The following DHRS12 variants were observed in gnomAD, a reference collection of about 807,000 sequenced individuals.
DHRS12 encodes dehydrogenase/reductase 12.
DHRS12 carries 29 observed loss-of-function variants against 32.1 expected under a neutral mutation model. The observed-to-expected ratio is 0.90, with a 90% CI of 0.67 to 1.23. The LOEUF (loss-of-function observed/expected upper bound fraction) is 1.23. DHRS12 is among the 50% of genes most tolerant of loss of function. The pLI is 0.00. For missense variants in DHRS12, 330 were observed against 337.2 expected, an observed-to-expected ratio of 0.98 and a Z score of 0.17; for synonymous variants, 150 against 135.9, an observed-to-expected ratio of 1.10 and a Z score of -0.72.
intron 2 of DHRS12, 50 bp downstream of exon 2, chr13:51,799,484 C>G: frequency 6.2e-7 from 1 of 1,606,870 alleles, no homozygotes; most frequent in Non-Finnish European, 8.5e-7. Context: ...GTGGACCGGC[C>G]GCAGTCTGGC....
At position 51,804,034 on chromosome 13, in the gene DHRS12, G is replaced by A; in HGVS notation, c.-9+20C>T. Reference sequence around the variant, plus strand: ...GCCACGTGACAGCCCGGGGCCCCGCGCCCCGCCGCGCCGCCTTACTTGGTG... The same window carrying A: ...GCCACGTGACAGCCCGGGGCCCCGCACCCCGCCGCGCCGCCTTACTTGGTG... On this transcript the variant is annotated intron_variant, in intron 1 of 8. Coordinates refer to ENST00000444610, the MANE Select transcript of DHRS12 (RefSeq NM_001377533.1). 3 of 1,466,232 alleles carry A rather than the reference G, an allele frequency of 2.0e-6. No individual in the cohort carries two copies. Among genetic ancestry groups the A allele is most frequent in the South Asian group, 1.3e-5 (1 of 77,358 alleles). 90.8% of individuals were successfully genotyped at this position (1,466,232 alleles called of 1,614,324 possible).
At chr13:51,798,768 A>C (rs1955621252) in intron 2 of DHRS12, among the ~76,000 whole-genome samples, 1 of 152,230 alleles carries the variant, frequency 6.6e-6, no homozygotes. Flanking sequence ...AAAAGTGATA[A>C]ATTCACAACC....
intron 7 of DHRS12, chr13:51,771,427 A>G: frequency 6.2e-7 from 1 of 1,614,116 alleles, no homozygotes; most frequent in Non-Finnish European, 8.5e-7. Flanking sequence ...ATTATTTCCA[A>G]AAACCTGGGG....
chr13:51,768,550 G>A lies in DHRS12; in HGVS notation c.698-254C>T, dbSNP rs181679874. On this transcript the variant is annotated intron_variant, in intron 8 of 8. Transcript: ENST00000444610. ...CCACGTTTGGGTGATCAGCAGGAAG[G>A]GGTGCGGCCATCCTCCCGGATACCC... The A allele has an allele frequency of 9.6e-6, 13 of 1,355,300 alleles. No individual in the cohort carries two copies. In the African/African-American group the frequency reaches 1.6e-4, roughly 17 times the overall value. The allele number at this position is 1,355,300 out of a possible 1,614,324, so 84.0% of individuals were successfully genotyped here.
chr13:51,783,603 C>A (rs1954821875), intron 4 of DHRS12, among the ~76,000 whole-genome samples: 2 of 152,148 alleles, frequency 1.3e-5, no homozygotes, highest in Non-Finnish European at 2.9e-5. Flanking sequence ...TCTATCACCC[C>A]AGATGTTCCC....
chr13:51,758,181 G>T, the DHRS12 span: 1 of 1,537,858 alleles, frequency 6.5e-7, no homozygotes, highest in South Asian at 1.2e-5. Context: ...AGCTTTCTTT[G>T]CTCCTTCTAG....
At chr13:51,771,676 C>T (rs758342372) in intron 7 of DHRS12, 145 bp downstream of exon 7, 44 of 1,326,122 alleles carry the variant, frequency 3.3e-5, no homozygotes, top group Middle Eastern at 2.0e-4. Context: ...AGTCCCAACG[C>T]GCCCCTGCCT....
rs902106342 is a variant in DHRS12, at chr13:51,782,254, T to C, written c.302-5133A>G. Among the ~76,000 whole-genome samples, 1 of 151,976 alleles carries C rather than the reference T, an allele frequency of 6.6e-6. No homozygotes were observed. On this transcript the variant is annotated intron_variant, in intron 4 of 8. Coordinates refer to ENST00000444610, the MANE Select transcript of DHRS12 (RefSeq NM_001377533.1). This position sits in a 1 kb window ranked among gnomAD's most constrained non-coding sequence, Gnocchi z 4.2. ...GGGCCCTTGGGAGCCAGGCACATGA[T>C]GGCATTGGGGCAAGGATGAGATCCC...
At chr13:51,799,425 C>A in intron 2 of DHRS12, 109 bp downstream of exon 2, 1 of 1,496,498 alleles carries the variant, frequency 6.7e-7, no homozygotes. Context: ...CATGGGATCG[C>A]CGTCCAGGAC....
intron 3 of DHRS12, among the ~76,000 whole-genome samples, chr13:51,790,381 A>C (rs540220952): frequency 1.6e-4 from 25 of 152,342 alleles, no homozygotes; most frequent in African/African-American, 5.5e-4. Flanking sequence ...GGTCCAATAG[A>C]AATATCTAAT....
intron 4 of DHRS12, among the ~76,000 whole-genome samples, chr13:51,780,607 T>A (rs1212541642): frequency 2.0e-5 from 3 of 152,254 alleles, no homozygotes; most frequent in African/African-American, 7.2e-5. Context: ...GTGGAATTTA[T>A]GTTGGACATA....
the DHRS12 span, chr13:51,760,376 A>G: frequency 6.6e-6 from 1 of 152,126 alleles, no homozygotes; most frequent in Non-Finnish European, 1.5e-5. Flanking sequence ...ATTTGTTTGT[A>G]ATGTCTGCCT....
the DHRS12 span, chr13:51,756,695 T>G: frequency 1.0e-6 from 1 of 965,930 alleles, no homozygotes; most frequent in Non-Finnish European, 1.2e-6. Context: ...TTCTAATTTC[T>G]AGGTTATGTG....
intron 7 of DHRS12, chr13:51,771,328 G>A (rs778899902): frequency 4.8e-5 from 76 of 1,596,552 alleles, no homozygotes; most frequent in Non-Finnish European, 4.3e-6. Flanking sequence ...CAATCCGGAA[G>A]AGAATTCTGC....
intron 4 of DHRS12, among the ~76,000 whole-genome samples, chr13:51,781,231 C>G (rs1484318726): frequency 6.6e-6 from 1 of 152,214 alleles, no homozygotes; most frequent in Non-Finnish European, 1.5e-5. Context: ...AGGAAATGAG[C>G]TCTTAGAAGA....
At chr13:51,789,014 G>A (rs1192628417) in intron 4 of DHRS12, among the ~76,000 whole-genome samples, 1 of 152,112 alleles carries the variant, frequency 6.6e-6, no homozygotes, top group Non-Finnish European at 1.5e-5. Flanking sequence ...TCCATATGAG[G>A]AAACCCATTT....
intron 4 of DHRS12, among the ~76,000 whole-genome samples, chr13:51,788,576 G>A (rs1228733196): frequency 6.6e-6 from 1 of 152,054 alleles, no homozygotes; most frequent in Non-Finnish European, 1.5e-5. Flanking sequence ...TGGGCGCAGT[G>A]ACTCACACCT....
At chr13:51,758,552 TAA>T in the DHRS12 span, among the ~76,000 whole-genome samples, 1,599 of 127,644 alleles carry the variant, frequency 0.013, 24 homozygotes, top group African/African-American at 0.038. Flanking sequence ...CCTCATCTCT[TAA>T]AAAAAAAAAA....
At chr13:51,797,955 A>G (rs1034912557) in intron 2 of DHRS12, 1 of 1,507,916 alleles carries the variant, frequency 6.6e-7, no homozygotes, top group Non-Finnish European at 8.9e-7. Flanking sequence ...CGAGAGCTAC[A>G]GAAACCAGCT....
Sources: allele counts gnomAD v4.1 joint callset (sites outside exome capture counted in the v4.1 genomes callset), GRCh38; gene constraint gnomAD v4.1.1; non-coding constraint Gnocchi (gnomAD v3.1); transcripts MANE v1.5; gene names NCBI Gene and HGNC (gene_info 2026-07-23, HGNC 2026-07-21).